The following GLYR1 variants were observed in gnomAD, a reference collection of about 807,000 sequenced individuals.
GLYR1 encodes the protein cytokine-like nuclear factor N-PAC.
A neutral mutation model predicts 72.7 loss-of-function variants in GLYR1; 21 were observed. The ratio of observed to expected loss-of-function variants is 0.29; its 90% CI spans 0.20 to 0.42. The LOEUF is 0.42. Ranked by LOEUF, GLYR1 falls within the 10% of genes least tolerant of loss-of-function variation. GLYR1 has a pLI of 1.00. For missense variants in GLYR1, 594 were observed against 712.1 expected, an observed-to-expected ratio of 0.83 and a Z score of 1.89; for synonymous variants, 392 against 270.2, an observed-to-expected ratio of 1.45 and a Z score of -4.42.
At chr16:4,809,748 A>AC (rs2083219052) in intron 15 of GLYR1, among the ~76,000 whole-genome samples, 1 of 151,912 alleles carries the variant, frequency 6.6e-6, no homozygotes, top group Admixed American at 6.6e-5. Context: ...ACATGGTGAA[A>AC]CCTCATCTCT....
intron 3 of GLYR1, among the ~76,000 whole-genome samples, chr16:4,835,224 C>T (rs566163074): frequency 3.9e-5 from 6 of 152,224 alleles, no homozygotes; most frequent in African/African-American, 1.4e-4. Flanking sequence ...TACCCAGCCT[C>T]ACAGGAACCC....
At chr16:4,837,341 G>A (rs1336364728) in intron 3 of GLYR1, among the ~76,000 whole-genome samples, 2 of 151,212 alleles carry the variant, frequency 1.3e-5, no homozygotes. Flanking sequence ...GCTGCGGCAG[G>A]AACTGCTTGA....
chr16:4,833,146 A>C, intron 3 of GLYR1: 5 of 372,592 alleles, frequency 1.3e-5, no homozygotes, highest in East Asian at 4.3e-5. Flanking sequence ...GCAACCACAA[A>C]TCAAGTTCCT....
intron 3 of GLYR1, chr16:4,843,862 GA>G: frequency 5.6e-6 from 1 of 179,760 alleles, no homozygotes; most frequent in Non-Finnish European, 1.2e-5. Flanking sequence ...TTGGGAGGCT[GA>G]GGGGGTTGGG....
chr16:4,825,497 T>A (rs1022184551), intron 5 of GLYR1, among the ~76,000 whole-genome samples: 3 of 152,204 alleles, frequency 2.0e-5, no homozygotes. Flanking sequence ...CTGACCTCTT[T>A]TTATGTTTGC....
At chr16:4,845,210 G>A (rs938306334) in intron 2 of GLYR1, 57 bp from the exon 3 acceptor site, 1 of 1,187,742 alleles carries the variant, frequency 8.4e-7, no homozygotes, top group Non-Finnish European at 1.3e-6. Context: ...CCACTTTCTA[G>A]TGGCTCCACA....
chr16:4,834,127 T>C (rs1227040241), intron 3 of GLYR1, among the ~76,000 whole-genome samples: 2 of 152,088 alleles, frequency 1.3e-5, no homozygotes, highest in African/African-American at 2.4e-5. Context: ...CTGCTGGTAG[T>C]TGTGATAATG....
At chr16:4,825,142 A>G (rs927635333) in intron 5 of GLYR1, among the ~76,000 whole-genome samples, 1 of 152,148 alleles carries the variant, frequency 6.6e-6, no homozygotes, top group Admixed American at 6.5e-5. Flanking sequence ...TCAGCTACCA[A>G]AAGGGCCAAT....
chr16:4,822,222 G>C (rs1330377585), intron 7 of GLYR1, among the ~76,000 whole-genome samples: 1 of 152,232 alleles, frequency 6.6e-6, no homozygotes, highest in Non-Finnish European at 1.5e-5. Context: ...AAGTAGCTGG[G>C]ATTACAGGAA....
chr16:4,834,147 C>T (rs970113653), intron 3 of GLYR1, among the ~76,000 whole-genome samples: 2 of 152,106 alleles, frequency 1.3e-5, no homozygotes, highest in African/African-American at 2.4e-5. Context: ...GGGGTCTGTG[C>T]AAAAACACAG....
intron 15 of GLYR1, among the ~76,000 whole-genome samples, chr16:4,809,791 G>C (rs2083221731): frequency 6.6e-6 from 1 of 151,770 alleles, no homozygotes; most frequent in African/African-American, 2.4e-5. Flanking sequence ...GTGTATGGTG[G>C]TGTGTGCCTG....
At chr16:4,828,131 G>A (rs868751956) in intron 5 of GLYR1, among the ~76,000 whole-genome samples, 3 of 151,448 alleles carry the variant, frequency 2.0e-5, no homozygotes, top group Non-Finnish European at 4.4e-5. Flanking sequence ...GTGCAGTGGC[G>A]TGATCTCGGC....
At chr16:4,826,003 G>C (rs1308510380) in intron 5 of GLYR1, among the ~76,000 whole-genome samples, 1 of 152,108 alleles carries the variant, frequency 6.6e-6, no homozygotes, top group Non-Finnish European at 1.5e-5. Flanking sequence ...CAGAGCTTAA[G>C]TAACCTTGCT....
intron 9 of GLYR1, among the ~76,000 whole-genome samples, chr16:4,818,997 G>C (rs1296435292): frequency 1.3e-5 from 2 of 152,082 alleles, no homozygotes; most frequent in East Asian, 3.9e-4. Context: ...CTGGGGGCTG[G>C]ATGCCACTGC....
At chr16:4,832,261 C>A (rs772255033) in intron 4 of GLYR1, 40 bp from the exon 5 acceptor site, 1 of 1,607,558 alleles carries the variant, frequency 6.2e-7, no homozygotes, top group Admixed American at 1.7e-5. Context: ...ACCACCACAG[C>A]TGCTGCCGCC....
intron 5 of GLYR1, among the ~76,000 whole-genome samples, chr16:4,826,365 C>G (rs1487911635): frequency 1.3e-5 from 2 of 152,158 alleles, no homozygotes; most frequent in Non-Finnish European, 2.9e-5. Flanking sequence ...CTCGGCCTTC[C>G]AAAGTGCTGG....
At chr16:4,832,536 G>C in intron 4 of GLYR1, 1 of 575,588 alleles carries the variant, frequency 1.7e-6, no homozygotes, top group East Asian at 3.0e-5. Flanking sequence ...CTCAAATGCT[G>C]AGATATTTCT....
intron 5 of GLYR1, among the ~76,000 whole-genome samples, chr16:4,824,532 T>C (rs375698706): frequency 5.3e-4 from 77 of 146,344 alleles, no homozygotes; most frequent in African/African-American, 1.9e-3. Context: ...AAAGAAACAG[T>C]AGTGGCTTCA....
At chr16:4,821,865 AC>A (rs1349291307) in intron 7 of GLYR1, among the ~76,000 whole-genome samples, 1 of 152,242 alleles carries the variant, frequency 6.6e-6, no homozygotes, top group Non-Finnish European at 1.5e-5. Flanking sequence ...CTCCAAAGCC[AC>A]AAACTCTCAT....
Sources: gnomAD v4.1 joint callset for allele counts (sites outside exome capture counted in the v4.1 genomes callset) on GRCh38, gnomAD v4.1.1 for gene constraint, MANE v1.5 for transcripts, NCBI Gene and HGNC (gene_info 2026-07-23, HGNC 2026-07-21) for gene names.